The following WDR17 variants were observed in gnomAD, a reference collection of about 807,000 sequenced individuals.
WDR17 encodes the protein WD repeat domain 17.
A neutral mutation model predicts 161.7 loss-of-function variants in WDR17; 143 were observed. That is an observed-to-expected ratio of 0.88 (90% confidence interval 0.77 to 1.02). The LOEUF is 1.02. Among genes scored for constraint, WDR17 ranks in the 50% least tolerant of loss-of-function variants. The pLI is 0.00. For synonymous variants in WDR17, 517 were observed against 515.6 expected (o/e 1.00, Z -0.04); for missense variants, 1,469 against 1,520.9 (o/e 0.97, Z 0.57).
chr4:176,174,547 A>C, intron 25 of WDR17, 70 bp from the exon 26 acceptor site: 1 of 1,092,568 alleles, frequency 9.2e-7, no homozygotes, highest in Non-Finnish European at 1.3e-6. Context: ...AAGTACATGA[A>C]CTGTGTATCA....
chr4:176,104,843 A>G (rs1258076823), intron 1 of WDR17, among the ~76,000 whole-genome samples: 1 of 152,082 alleles, frequency 6.6e-6, no homozygotes, highest in Non-Finnish European at 1.5e-5. Context: ...ACTATGAAGC[A>G]TATTGGAAAT....
At chr4:176,086,735 T>A (rs1448520785) in intron 1 of WDR17, among the ~76,000 whole-genome samples, 1 of 151,796 alleles carries the variant, frequency 6.6e-6, no homozygotes, top group Non-Finnish European at 1.5e-5. Flanking sequence ...AGATGCTAAT[T>A]TTATTTTGAT....
intron 1 of WDR17, among the ~76,000 whole-genome samples, chr4:176,101,101 C>T (rs983464948): frequency 1.3e-5 from 2 of 152,000 alleles, no homozygotes; most frequent in African/African-American, 2.4e-5. Flanking sequence ...ATTTTAGGAT[C>T]GTGGCATTCT....
intron 1 of WDR17, among the ~76,000 whole-genome samples, chr4:176,094,988 C>T (rs999012740): frequency 5.3e-5 from 8 of 151,904 alleles, no homozygotes; most frequent in Non-Finnish European, 1.0e-4. Flanking sequence ...GCAGGTAGCT[C>T]GAAATGGAGT....
chr4:176,067,611 T>G (rs1732694023), intron 1 of WDR17, among the ~76,000 whole-genome samples: 1 of 151,236 alleles, frequency 6.6e-6, no homozygotes, highest in East Asian at 1.9e-4. Flanking sequence ...TAAATAGTGG[T>G]GTTCTAAATA....
chr4:176,128,025 T>C (rs1742736760), intron 5 of WDR17, among the ~76,000 whole-genome samples: 1 of 152,224 alleles, frequency 6.6e-6, no homozygotes, highest in South Asian at 2.1e-4. Context: ...ATTATATGGA[T>C]ATGGCAGGTT....
chr4:176,124,629 G>A (rs1742149165), intron 4 of WDR17, among the ~76,000 whole-genome samples: 1 of 152,122 alleles, frequency 6.6e-6, no homozygotes, highest in South Asian at 2.1e-4. Flanking sequence ...GAGGCACAGG[G>A]AGATTAAGTA....
Position 176,177,985 on chromosome 4 carries a change from C to CAAAAAAAA in WDR17, c.3732+370_3732+377dup, listed in dbSNP as rs869298899. Among the ~76,000 whole-genome samples, 30 of 46,298 alleles carry CAAAAAAAA rather than the reference C, an allele frequency of 6.5e-4. 8 individuals carry two copies. The highest frequency in any genetic ancestry group is 8.1e-4 in the Non-Finnish European group (21 of 26,032). 30.4% of individuals were successfully genotyped at this position (46,298 alleles called of 152,430 possible). A position where few individuals can be genotyped will look rare whatever the true frequency, so the allele number is the denominator to read the frequency against. On this transcript the variant is annotated intron_variant, in intron 28 of 28. Coordinates refer to ENST00000508596, the MANE Select transcript of WDR17 (RefSeq NM_181265.4). ...GGGCAACAAGAGTGAAACTCCGTCT[C>CAAAAAAAA]AAAAAAAAAAAAAAAAAAAAAAAAA...
intron 1 of WDR17, among the ~76,000 whole-genome samples, chr4:176,099,071 T>G (rs1737374235): frequency 6.6e-6 from 1 of 152,068 alleles, no homozygotes; most frequent in Non-Finnish European, 1.5e-5. Context: ...AATTTAGAAG[T>G]TTATTTTTGT....
chr4:176,151,828 T>G lies in WDR17; in HGVS notation c.2321T>G (p.Leu774Arg). The G allele has an allele frequency of 6.3e-7, 1 of 1,591,096 alleles. No individual in the cohort carries two copies. Among genetic ancestry groups the G allele is most frequent in the Non-Finnish European group, 8.5e-7 (1 of 1,173,090 alleles). Reference protein sequence around the residue: ...IKFRTSEAQELTTVKMSKFGG... With the variant: ...IKFRTSEAQERTTVKMSKFGG... ...TAAAACCAGTCTGAAGCTCAAGAAC[T>G]AACAACAGTCAAGATGTCTAAATTT... Residue 774 changes from leucine (L) to arginine (R), a missense_variant, in exon 17 of 29, where the codon CTA (leucine) becomes CGA (arginine). Transcript: ENST00000508596.
At chr4:176,172,181 C>A (rs1478051201) in intron 23 of WDR17, 194 bp from the exon 24 acceptor site, 2 of 527,628 alleles carry the variant, frequency 3.8e-6, no homozygotes, top group Non-Finnish European at 6.5e-6. Flanking sequence ...CTAATATCCC[C>A]TCTTACTGTT....
intron 24 of WDR17, among the ~76,000 whole-genome samples, chr4:176,172,941 C>T (rs1475491274): frequency 1.3e-5 from 2 of 152,146 alleles, no homozygotes; most frequent in Admixed American, 6.5e-5. Flanking sequence ...AATCCAAACA[C>T]CTCCCTACTC....
chr4:176,073,914 T>A (rs780210532), intron 1 of WDR17, among the ~76,000 whole-genome samples: 7 of 150,604 alleles, frequency 4.6e-5, no homozygotes, highest in Non-Finnish European at 1.0e-4. Flanking sequence ...TTTTGAGAAA[T>A]GTCTGTTCAT....
intron 5 of WDR17, 110 bp downstream of exon 5, chr4:176,125,465 C>A: frequency 7.9e-7 from 1 of 1,267,860 alleles, no homozygotes; most frequent in Non-Finnish European, 1.1e-6. Context: ...ATTAATAGCT[C>A]AATTATTATT....
intron 10 of WDR17, among the ~76,000 whole-genome samples, chr4:176,140,197 C>T (rs1364203037): frequency 6.6e-6 from 1 of 152,002 alleles, no homozygotes; most frequent in East Asian, 1.9e-4. Flanking sequence ...CATTCAATTG[C>T]TTTCTCAATG....
At chr4:176,153,082 C>T (rs1747489855) in intron 17 of WDR17, among the ~76,000 whole-genome samples, 1 of 152,200 alleles carries the variant, frequency 6.6e-6, no homozygotes, top group South Asian at 2.1e-4. Context: ...TGTCTCACCT[C>T]AGACCTACAG....
At chr4:176,109,693 C>T (rs1047971625) in intron 1 of WDR17, among the ~76,000 whole-genome samples, 3 of 152,026 alleles carry the variant, frequency 2.0e-5, no homozygotes, top group Non-Finnish European at 4.4e-5. Flanking sequence ...AAAATGTAAC[C>T]ATTTAAAATT....
In WDR17 at chr4:176,182,677, C is replaced by A. The variant is rs1318405788; in HGVS notation, c.*3098C>A. On this transcript the variant is annotated 3_prime_UTR_variant, in exon 29 of 29. Transcript: ENST00000508596. This position sits in a 1 kb window ranked among gnomAD's most constrained non-coding sequence, Gnocchi z 4.2. Reference sequence around the variant, plus strand: ...GTACCAAATCTTTGAGATATTTGTACATAAATGAAATATGTACTTTCATGC... The same window carrying A: ...GTACCAAATCTTTGAGATATTTGTAAATAAATGAAATATGTACTTTCATGC... 6.6e-6 allele frequency: 1 copy of A among 151,992 alleles called. No homozygotes were observed. The highest frequency in any genetic ancestry group is 2.4e-5 in the African/African-American group (1 of 41,396). 9.4% of individuals were successfully genotyped at this position (151,992 alleles called of 1,614,324 possible).
chr4:176,066,889 C>T (rs2126528886), intron 1 of WDR17, among the ~76,000 whole-genome samples: 1 of 152,226 alleles, frequency 6.6e-6, no homozygotes, highest in African/African-American at 2.4e-5. Context: ...TACGAAACGG[C>T]CAAAGCCCAA....
Sources: gnomAD v4.1 joint callset for allele counts (sites outside exome capture counted in the v4.1 genomes callset) on GRCh38, gnomAD v4.1.1 for gene constraint, Gnocchi (gnomAD v3.1) non-coding constraint, MANE v1.5 for transcripts, NCBI Gene and HGNC (gene_info 2026-07-23, HGNC 2026-07-21) for gene names.